The following ELL2 variants were observed in gnomAD, a reference collection of about 807,000 sequenced individuals.
The protein encoded by ELL2 is RNA polymerase II elongation factor ELL2.
ELL2 carries 21 observed loss-of-function variants against 72.8 expected under a neutral mutation model. The ratio of observed to expected loss-of-function variants is 0.29; its 90% CI spans 0.20 to 0.42. ELL2 has a LOEUF of 0.42. Ranked by LOEUF, ELL2 falls within the 10% of genes least tolerant of loss-of-function variation. The pLI is 1.00. For missense variants in ELL2, 568 were observed against 772.8 expected (o/e 0.73, Z 3.14); for synonymous variants, 266 against 283.2 (o/e 0.94, Z 0.61).
chr5:95,905,747 G>GT (rs59880161), intron 5 of ELL2, among the ~76,000 whole-genome samples: 45,880 of 144,630 alleles, frequency 0.32, 7,410 homozygotes, highest in African/African-American at 0.43. Flanking sequence ...AACCTGTAGG[G>GT]TTTTTTTTTT....
chr5:95,943,556 T>C (rs1439506201), intron 1 of ELL2, among the ~76,000 whole-genome samples: 1 of 152,218 alleles, frequency 6.6e-6, no homozygotes, highest in Non-Finnish European at 1.5e-5. Context: ...TTTCCTGGTA[T>C]ATTTTTAATA....
intron 2 of ELL2, among the ~76,000 whole-genome samples, chr5:95,929,056 T>G (rs1015525397): frequency 1.3e-5 from 2 of 152,174 alleles, no homozygotes; most frequent in East Asian, 3.8e-4. Flanking sequence ...TGAGTTCAGC[T>G]TAGGAGTCCT....
chr5:95,921,337 A>G lies in ELL2; in HGVS notation c.196-1792T>C, dbSNP rs145956680. On this transcript the variant is annotated intron_variant, in intron 2 of 11. Coordinates refer to ENST00000237853, the MANE Select transcript of ELL2 (RefSeq NM_012081.6). ...ACTATAGATAGATAATACTCCATAG[A>G]GCCTCCATCATCCATGAATTTAAAC... Among the ~76,000 whole-genome samples, 1,319 of 152,314 alleles carry G rather than the reference A, an allele frequency of 8.7e-3. 17 individuals carry two copies. Among genetic ancestry groups the G allele is most frequent in the African/African-American group, 0.031 (1,274 of 41,560 alleles).
intron 2 of ELL2, among the ~76,000 whole-genome samples, chr5:95,920,444 G>C (rs1048332571): frequency 6.6e-6 from 1 of 151,646 alleles, no homozygotes; most frequent in African/African-American, 2.4e-5. Context: ...TGAGTAGCTG[G>C]GATTATAGGT....
intron 4 of ELL2, among the ~76,000 whole-genome samples, chr5:95,907,296 A>ATATATATATATATATTTTTTTT: frequency 1.6e-4 from 19 of 116,482 alleles, no homozygotes; most frequent in South Asian, 1.2e-3. Context: ...ATATATATAT[A>ATATATATATATATATTTTTTTT]TTTTTTTTTT....
At chr5:95,903,237 G>C (rs1403191494) in intron 5 of ELL2, among the ~76,000 whole-genome samples, 1 of 74,270 alleles carries the variant, frequency 1.3e-5, no homozygotes, top group Non-Finnish European at 2.6e-5. Flanking sequence ...TTTTTTTTCC[G>C]AGACAGAGTC....
At chr5:95,951,022 A>C (rs6881872) in intron 1 of ELL2, among the ~76,000 whole-genome samples, 41,057 of 147,616 alleles carry the variant, frequency 0.28, 6,583 homozygotes, top group African/African-American at 0.45. Context: ...GGAAGGCAAA[A>C]ATCTAAACCA....
chr5:95,937,440 T>C (rs1468546506), intron 2 of ELL2, among the ~76,000 whole-genome samples: 1 of 151,206 alleles, frequency 6.6e-6, no homozygotes, highest in African/African-American at 2.4e-5. Flanking sequence ...GCCCATCTCC[T>C]GGGTAAAATG....
At position 95,898,763 on chromosome 5, in the gene ELL2, T is replaced by G. The variant is rs774877522; in HGVS notation, c.1002A>C (p.Lys334Asn). 6.5e-7 allele frequency: 1 copy of G among 1,543,222 alleles called. No homozygotes were observed. Among genetic ancestry groups the G allele is most frequent in the Admixed American group, 2.0e-5 (1 of 49,340 alleles). The change falls in exon 8 of 12, where the codon AAA becomes AAC. Residue 334 changes from lysine to asparagine, a missense_variant. Physicochemically the swap from Lys to Asn is moderately conservative, Grantham distance 94 (BLOSUM62 0). Coordinates refer to ENST00000237853, the MANE Select transcript of ELL2 (RefSeq NM_012081.6). ...SEFIDPLMNK[K>N]ARISHLTNRV... is the part of the protein sequence containing the mutation. The stretch of plus-strand genomic sequence containing the variant: ...TGTTCGTCAGGTGAGATATTCGGGC[T>G]TTTTTATTCATTAAAGGATCAATAA...
intron 2 of ELL2, among the ~76,000 whole-genome samples, chr5:95,923,241 A>G (rs74989757): frequency 4.5e-5 from 3 of 67,260 alleles, no homozygotes; most frequent in Non-Finnish European, 8.5e-5. Flanking sequence ...AAATAAAGTG[A>G]AAAAAAAAAA....
chr5:95,924,862 C>T (rs1396055639), intron 2 of ELL2, among the ~76,000 whole-genome samples: 2 of 152,180 alleles, frequency 1.3e-5, no homozygotes, highest in Non-Finnish European at 2.9e-5. Context: ...GGGATACAAG[C>T]TCAGGCATGT....
At chr5:95,896,130 T>C (rs1216470992) in intron 8 of ELL2, among the ~76,000 whole-genome samples, 1 of 152,248 alleles carries the variant, frequency 6.6e-6, no homozygotes, top group Non-Finnish European at 1.5e-5. Flanking sequence ...ACTGCTTTGG[T>C]CACTGTATTT....
intron 2 of ELL2, among the ~76,000 whole-genome samples, chr5:95,942,198 A>C (rs1310857027): frequency 6.6e-6 from 1 of 152,186 alleles, no homozygotes; most frequent in Non-Finnish European, 1.5e-5. Flanking sequence ...AAGTCTGTAG[A>C]TTTACAATAA....
At chr5:95,955,906 AG>A (rs1349886172) in intron 1 of ELL2, among the ~76,000 whole-genome samples, 2 of 151,956 alleles carry the variant, frequency 1.3e-5, no homozygotes, top group Non-Finnish European at 2.9e-5. Flanking sequence ...TGCAGAGAAA[AG>A]GGTCATCACA....
intron 1 of ELL2, 119 bp downstream of exon 1, chr5:95,961,456 C>A (rs908273290): frequency 4.8e-6 from 6 of 1,241,400 alleles, no homozygotes; most frequent in East Asian, 3.2e-5. Context: ...CTGGCCGCTG[C>A]GGGCGCTGAC....
intron 5 of ELL2, among the ~76,000 whole-genome samples, chr5:95,905,121 A>G (rs1749303686): frequency 6.6e-6 from 1 of 152,094 alleles, no homozygotes; most frequent in South Asian, 2.1e-4. Flanking sequence ...AGGCTACCCA[A>G]GGGATTCTAA....
At chr5:95,958,145 C>A (rs148153073) in intron 1 of ELL2, among the ~76,000 whole-genome samples, 2 of 152,128 alleles carry the variant, frequency 1.3e-5, no homozygotes, top group East Asian at 1.9e-4. Context: ...GGAATGGTGG[C>A]GGACAGTTTT....
At chr5:95,891,913 G>A (rs958793829) in intron 9 of ELL2, among the ~76,000 whole-genome samples, 2 of 152,152 alleles carry the variant, frequency 1.3e-5, no homozygotes, top group Admixed American at 6.5e-5. Context: ...ACCAAAAAAA[G>A]GCATATTTCT....
intron 2 of ELL2, among the ~76,000 whole-genome samples, chr5:95,924,230 T>C (rs1488586238): frequency 1.3e-5 from 2 of 152,228 alleles, no homozygotes; most frequent in Non-Finnish European, 2.9e-5. Context: ...ATTGTGTATC[T>C]ACACAGTTCT....
Sources: gnomAD v4.1 joint callset for allele counts (sites outside exome capture counted in the v4.1 genomes callset) on GRCh38, gnomAD v4.1.1 for gene constraint, MANE v1.5 for transcripts, NCBI Gene and HGNC (gene_info 2026-07-23, HGNC 2026-07-21) for gene names.